Variants in PPP1R12C observed in about 807,000 individuals in gnomAD.
PPP1R12C encodes the protein protein phosphatase 1 regulatory subunit 12C.
PPP1R12C carries 48 observed loss-of-function variants against 95.6 expected under a neutral mutation model. The ratio of observed to expected loss-of-function variants is 0.50; its 90% CI spans 0.40 to 0.64. The LOEUF is 0.64. PPP1R12C is among the 30% of genes least tolerant of loss of function. The pLI is 0.00. For synonymous variants in PPP1R12C, 480 were observed against 460.8 expected, an observed-to-expected ratio of 1.04 and a Z score of -0.53; for missense variants, 1,057 against 1,083.3, an observed-to-expected ratio of 0.98 and a Z score of 0.34.
At chr19:55,107,329 G>C (rs1167192089) in intron 3 of PPP1R12C, among the ~76,000 whole-genome samples, 1 of 152,118 alleles carries the variant, frequency 6.6e-6, no homozygotes, top group African/African-American at 2.4e-5. Flanking sequence ...CAGGAGACTT[G>C]CTTGAACCCG....
At chr19:55,099,148 G>C (rs951829791) in intron 4 of PPP1R12C, 53 bp from the exon 5 acceptor site, 91 of 1,456,700 alleles carry the variant, frequency 6.2e-5, no homozygotes, top group Non-Finnish European at 8.0e-5. Context: ...CCTTGGCCGA[G>C]GGCTGATTTC....
intron 3 of PPP1R12C, among the ~76,000 whole-genome samples, chr19:55,106,489 T>C (rs1208828824): frequency 6.6e-6 from 1 of 152,200 alleles, no homozygotes; most frequent in African/African-American, 2.4e-5. Flanking sequence ...CACTTGGAGC[T>C]ATCCAATGGT....
Position 55,091,411 on chromosome 19 carries a change from G to T in PPP1R12C, c.*61C>A. On this transcript the variant is annotated 3_prime_UTR_variant, in exon 22 of 22. Transcript: ENST00000263433. The stretch of plus-strand genomic sequence containing the variant: ...GCCCTGTCACTCGTGTTCACACGGG[G>T]GAAGGGGTGCGTGTGGCAGAAGCAG... The T allele has an allele frequency of 6.7e-7, 1 of 1,491,864 alleles. No homozygotes were observed. The highest frequency in any genetic ancestry group is 9.3e-7 in the Non-Finnish European group (1 of 1,080,438). The allele number at this position is 1,491,864 out of a possible 1,614,324, so 92.4% of individuals were successfully genotyped here.
intron 6 of PPP1R12C, 103 bp from the exon 7 acceptor site, chr19:55,096,438 C>A: frequency 7.3e-7 from 1 of 1,371,646 alleles, no homozygotes; most frequent in South Asian, 1.2e-5. Context: ...CAGGCGGGCA[C>A]CGAGGGCTCG....
At chr19:55,092,713 G>C (rs2084860248) in intron 16 of PPP1R12C, 51 bp from the exon 17 acceptor site, 2 of 1,528,668 alleles carry the variant, frequency 1.3e-6, no homozygotes, top group African/African-American at 2.7e-5. Context: ...ACTTTAGCGG[G>C]TATGGGAAGG....
chr19:55,095,752 A>T, intron 9 of PPP1R12C, 115 bp downstream of exon 9: 3 of 1,521,366 alleles, frequency 2.0e-6, no homozygotes, highest in Non-Finnish European at 2.7e-6. Context: ...GTCCAGGACG[A>T]CTCTGGGAAC....
At position 55,091,716 on chromosome 19, in the gene PPP1R12C, A is replaced by C; in HGVS notation, c.2212-16T>G. 6.2e-7 allele frequency: 1 copy of C among 1,612,384 alleles called. No individual in the cohort carries two copies. Among genetic ancestry groups the C allele is most frequent in the Non-Finnish European group, 8.5e-7 (1 of 1,179,448 alleles). Reference sequence around the variant, plus strand: ...CCCTGCGCTCCTGGAATGAACAGGGAAAGTGCAGAAACTGAGTGAGGCTGA... The same window carrying C: ...CCCTGCGCTCCTGGAATGAACAGGGCAAGTGCAGAAACTGAGTGAGGCTGA... On this transcript the variant is annotated splice_polypyrimidine_tract_variant and intron_variant, in intron 20 of 21. Transcript: ENST00000263433.
intron 6 of PPP1R12C, among the ~76,000 whole-genome samples, chr19:55,098,125 C>T (rs1479993685): frequency 6.6e-6 from 1 of 152,252 alleles, no homozygotes; most frequent in African/African-American, 2.4e-5. Context: ...TGTCACCTCA[C>T]AGAGCTCACT....
chr19:55,116,550 G>A (rs1182896814), intron 1 of PPP1R12C, among the ~76,000 whole-genome samples: 1 of 152,194 alleles, frequency 6.6e-6, no homozygotes, highest in Admixed American at 6.5e-5. Flanking sequence ...CCAGGGGAGA[G>A]AATGCAGGTC....
chr19:55,096,282 G>A lies in PPP1R12C; in HGVS notation c.1005C>T (p.Pro335=). ...TATACCTTCTGTGTTTGCTGCTAGAGGGCGCTTGGGGCTCCTGGCCCCGGC... is the reference window on the plus strand; with the variant it reads ...TATACCTTCTGTGTTTGCTGCTAGAAGGCGCTTGGGGCTCCTGGCCCCGGC... ...SQSRGQEPQA[P]SSSKHRRSSV... is the part of the protein sequence containing the mutation. The change falls in exon 7 of 22, where the codon CCC becomes CCT. Residue 335 remains proline, a synonymous_variant. Transcript: ENST00000263433. 1 of 1,613,910 alleles carries A rather than the reference G, an allele frequency of 6.2e-7. No homozygotes were observed. Among genetic ancestry groups the A allele is most frequent in the Non-Finnish European group, 8.5e-7 (1 of 1,179,950 alleles).
intron 1 of PPP1R12C, chr19:55,113,501 G>A (rs1397432053): frequency 1.4e-6 from 2 of 1,427,874 alleles, no homozygotes; most frequent in Non-Finnish European, 1.8e-6. Context: ...TCTTCCCTTA[G>A]GGGTCCAAAA....
At chr19:55,107,577 T>A (rs963779647) in intron 3 of PPP1R12C, among the ~76,000 whole-genome samples, 6 of 151,850 alleles carry the variant, frequency 4.0e-5, no homozygotes, top group African/African-American at 1.5e-4. Context: ...CTGGAAACCA[T>A]CACTCAGCAA....
At chr19:55,102,556 C>A (rs1031048215) in intron 4 of PPP1R12C, among the ~76,000 whole-genome samples, 3 of 152,160 alleles carry the variant, frequency 2.0e-5, no homozygotes, top group African/African-American at 7.2e-5. Flanking sequence ...ATAATCTAGT[C>A]TTAAAATATA....
At chr19:55,113,352 G>A (rs1369314741) in intron 1 of PPP1R12C, 3 of 1,360,112 alleles carry the variant, frequency 2.2e-6, no homozygotes, top group East Asian at 2.8e-5. Context: ...AGACTCAGGG[G>A]CCTGGGCGGG....
At chr19:55,110,146 C>T (rs1295776591) in intron 3 of PPP1R12C, among the ~76,000 whole-genome samples, 1 of 152,084 alleles carries the variant, frequency 6.6e-6, no homozygotes, top group Non-Finnish European at 1.5e-5. Context: ...TCCCTGGGGT[C>T]CAAGGGAAAA....
At position 55,117,324 on chromosome 19, in the gene PPP1R12C, C is replaced by T; in HGVS notation, c.220G>A (p.Ala74Thr). 1 of 1,178,090 alleles carries T rather than the reference C, an allele frequency of 8.5e-7. No homozygotes were observed. Among genetic ancestry groups the T allele is most frequent in the Non-Finnish European group, 1.0e-6 (1 of 955,028 alleles). The allele number at this position is 1,178,090 out of a possible 1,614,324, so 73.0% of individuals were successfully genotyped here. Residue 74 changes from alanine (A) to threonine (T), a missense_variant, in exon 1 of 22, where the codon GCC (alanine) becomes ACC (threonine). Around this residue, in one of 5 missense-constraint regions of PPP1R12C, gnomAD observed 282 missense variants for 380.4 expected, o/e 0.74. Coordinates refer to ENST00000263433, the MANE Select transcript of PPP1R12C (RefSeq NM_017607.4). ...AGCTCGGCGCCGGGGCCAGGGTCGG[C>T]GGCGCGCAGCATCAGACGCGCCTCG... ...LDEARLMLRA[A>T]DPGPGAELDP... is the part of the protein sequence containing the mutation.
intron 9 of PPP1R12C, 68 bp from the exon 10 acceptor site, chr19:55,095,671 C>T (rs2084902958): frequency 6.6e-7 from 1 of 1,507,280 alleles, no homozygotes; most frequent in East Asian, 2.4e-5. Flanking sequence ...GGGTTAGCCC[C>T]CAAAGGACTG....
At chr19:55,092,593 A>C (rs754463724) in intron 17 of PPP1R12C, 29 bp downstream of exon 17, 1 of 1,549,064 alleles carries the variant, frequency 6.5e-7, no homozygotes, top group African/African-American at 1.4e-5. Flanking sequence ...GCCCGCACGC[A>C]GACCCCACCT....
chr19:55,098,361 G>A (rs966047408), intron 6 of PPP1R12C, among the ~76,000 whole-genome samples: 2 of 152,348 alleles, frequency 1.3e-5, no homozygotes, highest in East Asian at 1.9e-4. Context: ...CAAGGCTCAC[G>A]CCCTTCACTC....
Sources: allele counts gnomAD v4.1 joint callset (sites outside exome capture counted in the v4.1 genomes callset), GRCh38; gene constraint gnomAD v4.1.1; regional missense constraint gnomAD v4.1.1; transcripts MANE v1.5; gene names NCBI Gene and HGNC (gene_info 2026-07-23, HGNC 2026-07-21).